RNASET2: variants seen among roughly 807,000 people sequenced by gnomAD.
The protein encoded by RNASET2 is ribonuclease 6.
A neutral mutation model predicts 33.9 loss-of-function variants in RNASET2; 28 were observed. The observed-to-expected ratio is 0.83, with a 90% CI of 0.61 to 1.13. The LOEUF (loss-of-function observed/expected upper bound fraction) is 1.13, where lower values mean the gene tolerates loss of function less well. Ranked by LOEUF, RNASET2 falls within the 50% of genes most tolerant of loss-of-function variation. The pLI is 0.00. For synonymous variants in RNASET2, 123 were observed against 121.0 expected, an observed-to-expected ratio of 1.02 and a Z score of -0.11; for missense variants, 330 against 319.9, an observed-to-expected ratio of 1.03 and a Z score of -0.24.
At position 166,929,766 on chromosome 6, in the gene RNASET2, T is replaced by A. The variant is rs926185419; in HGVS notation, c.593A>T (p.Gln198Leu). ...SQDEEVQTIG[Q>L]IELCLTKQDQ... Reference sequence around the variant, plus strand: ...TTGCTTAGTGAGGCACAGTTCTATCTGACCAATTGTCTGTACTTCCTCATC... The same window carrying A: ...TTGCTTAGTGAGGCACAGTTCTATCAGACCAATTGTCTGTACTTCCTCATC... The change falls in exon 9 of 9, where the codon CAG becomes CTG. Residue 198 changes from glutamine (Q) to leucine (L), a missense_variant. Transcript: ENST00000508775. 1.9e-6 allele frequency: 3 copies of A among 1,614,048 alleles called. No homozygotes were observed. Among genetic ancestry groups the A allele is most frequent in the Non-Finnish European group, 2.5e-6 (3 of 1,180,032 alleles).
At chr6:166,955,275 ACACACGACACACACGCACAGACGCG>A (rs1779105046) in intron 1 of RNASET2, among the ~76,000 whole-genome samples, 3 of 83,732 alleles carry the variant, frequency 3.6e-5, no homozygotes, top group South Asian at 5.4e-4. Context: ...ACACACGCGC[ACACACGACACACACGCACAGACGCG>A]CACACACGAC....
rs561157857 is a variant in RNASET2 at position 166,928,163 on chromosome 6, AG to A, written c.*1424del. On this transcript the variant is annotated 3_prime_UTR_variant, in exon 9 of 9. Transcript: ENST00000508775. ...GGCCTGGCTGGGTGCTGCCTGTCTC[AG>A]GCTCTTACTGCAGAGCTTGTTTCCA... 5.1e-3 allele frequency among the ~76,000 whole-genome samples: 777 copies of A among 152,326 alleles called. 5 individuals carry two copies. Among genetic ancestry groups the A allele is most frequent in the Non-Finnish European group, 6.9e-3 (466 of 68,028 alleles).
At chr6:166,929,858 A>G in intron 8 of RNASET2, 67 bp from the exon 9 acceptor site, 2 of 1,477,214 alleles carry the variant, frequency 1.4e-6, no homozygotes, top group East Asian at 2.3e-5. Context: ...TCTTAAGATC[A>G]TGAACTTTTA....
At position 166,922,303 on chromosome 6, in the gene RNASET2, G is replaced by A. The variant is rs1056490482; in HGVS notation, c.*7285C>T. Among the ~76,000 whole-genome samples the A allele has an allele frequency of 2.0e-5, 3 of 152,170 alleles. No homozygotes were observed. Among genetic ancestry groups the A allele is most frequent in the South Asian group, 4.1e-4 (2 of 4,826 alleles). On this transcript the variant is annotated 3_prime_UTR_variant, in exon 9 of 9. Transcript: ENST00000508775. Reference sequence around the variant, plus strand: ...GCGCGGTGATCTGAGTTATAGTAAAGCCTGTTTCGTTGGTGTTTGCCTGAT... The same window carrying A: ...GCGCGGTGATCTGAGTTATAGTAAAACCTGTTTCGTTGGTGTTTGCCTGAT...
rs1467222339 is a variant in RNASET2, at chr6:166,931,033, A to G, written c.567+11T>C. 7 of 1,594,104 alleles carry G rather than the reference A, an allele frequency of 4.4e-6. No individual in the cohort carries two copies. The highest frequency in any genetic ancestry group is 6.0e-6 in the Non-Finnish European group (7 of 1,161,880). ...TGAGAAAAAAAGGAAGACAAAACATAACTGTCTAACCTGGCTTGGTGGAAG... is the reference window on the plus strand; with the variant it reads ...TGAGAAAAAAAGGAAGACAAAACATGACTGTCTAACCTGGCTTGGTGGAAG... On this transcript the variant is annotated intron_variant, in intron 8 of 8. Coordinates refer to ENST00000508775, the MANE Select transcript of RNASET2 (RefSeq NM_003730.6).
intron 2 of RNASET2, among the ~76,000 whole-genome samples, chr6:166,950,258 T>C (rs1778951785): frequency 6.6e-6 from 1 of 152,008 alleles, no homozygotes; most frequent in African/African-American, 2.4e-5. Context: ...TCCCTCCCTA[T>C]CTCAGAATGC....
rs1014662097 is a variant in RNASET2 at position 166,955,150 on chromosome 6, T to C, written c.86+947A>G. On this transcript the variant is annotated intron_variant, in intron 1 of 8. Transcript: ENST00000508775. ...GGAGTTCTTTGCAGCACCGCCTGTTTACCCCTAATTAATTTGGGCGGCTGC... is the reference window on the plus strand; with the variant it reads ...GGAGTTCTTTGCAGCACCGCCTGTTCACCCCTAATTAATTTGGGCGGCTGC... Among the ~76,000 whole-genome samples, 9 of 151,668 alleles carry C rather than the reference T, an allele frequency of 5.9e-5. No homozygotes were observed. In the East Asian group the frequency reaches 1.4e-3, roughly 23 times the overall value.
intron 4 of RNASET2, chr6:166,943,306 C>G: frequency 2.2e-6 from 1 of 459,832 alleles, no homozygotes. Context: ...CACGAAAATA[C>G]AAGCTGTTAT....
At chr6:166,944,714 G>C (rs1354424101) in intron 4 of RNASET2, among the ~76,000 whole-genome samples, 1 of 150,076 alleles carries the variant, frequency 6.7e-6, no homozygotes, top group Non-Finnish European at 1.5e-5. Flanking sequence ...CAGCTTTCCT[G>C]TCCTGGACCC....
Position 166,926,573 on chromosome 6 carries a change from T to C in RNASET2, c.*3015A>G, listed in dbSNP as rs1778309658. Among the ~76,000 whole-genome samples the C allele has an allele frequency of 6.6e-6, 1 of 150,820 alleles. No homozygotes were observed. Among genetic ancestry groups the C allele is most frequent in the African/African-American group, 2.4e-5 (1 of 41,004 alleles). ...AGAAAAGAAAAGAAAAGATATCTAGTTCTGAATATGATACAATTGCTACTG... is the reference window on the plus strand; with the variant it reads ...AGAAAAGAAAAGAAAAGATATCTAGCTCTGAATATGATACAATTGCTACTG... On this transcript the variant is annotated 3_prime_UTR_variant, in exon 9 of 9. Coordinates refer to ENST00000508775, the MANE Select transcript of RNASET2 (RefSeq NM_003730.6).
chr6:166,939,300 T>C (rs1393416892), intron 5 of RNASET2, among the ~76,000 whole-genome samples: 1 of 152,162 alleles, frequency 6.6e-6, no homozygotes, highest in East Asian at 1.9e-4. Flanking sequence ...GCCATTGCAC[T>C]ATAGCCTGGG....
At chr6:166,955,221 GCGCACACA>G (rs144027681) in intron 1 of RNASET2, among the ~76,000 whole-genome samples, 9,227 of 93,566 alleles carry the variant, frequency 0.099, 639 homozygotes, top group African/African-American at 0.18. Context: ...ACGCACACAC[GCGCACACA>G]CGCACGCACG....
intron 4 of RNASET2, chr6:166,943,785 T>C (rs1163319441): frequency 2.3e-5 from 11 of 470,276 alleles, no homozygotes; most frequent in South Asian, 1.7e-4. Flanking sequence ...GGGAGTGAAC[T>C]GTCTGTAATC....
In RNASET2 at chr6:166,927,153, A is replaced by G. The variant is rs914066571; in HGVS notation, c.*2435T>C. On this transcript the variant is annotated 3_prime_UTR_variant, in exon 9 of 9. Coordinates refer to ENST00000508775, the MANE Select transcript of RNASET2 (RefSeq NM_003730.6). Reference sequence around the variant, plus strand: ...AAATGCACGACCTACTTGTTTAATGATGTAAAAACATGTGCTTGGATCTGA... The same window carrying G: ...AAATGCACGACCTACTTGTTTAATGGTGTAAAAACATGTGCTTGGATCTGA... Among the ~76,000 whole-genome samples, 1 of 152,176 alleles carries G rather than the reference A, an allele frequency of 6.6e-6. No homozygotes were observed. Among genetic ancestry groups the G allele is most frequent in the Non-Finnish European group, 1.5e-5 (1 of 68,038 alleles).
At position 166,929,648 on chromosome 6, in the gene RNASET2, AC is replaced by A; in HGVS notation, c.710del (p.Gly237ValfsTer2). On this transcript the variant is annotated frameshift_variant, in exon 9 of 9. Transcript: ENST00000508775. LOFTEE classifies it high-confidence loss of function. ...CTGGGCCATCTTCACAGACTCTCAG[AC>A]CCCGGCTCTCGGCGGCCCCATTTGC... ...WLANGAAESR[G>X]LRVCEDGPVF... The A allele has an allele frequency of 6.2e-7, 1 of 1,613,172 alleles. No homozygotes were observed. Among genetic ancestry groups the A allele is most frequent in the Non-Finnish European group, 8.5e-7 (1 of 1,179,734 alleles).
At chr6:166,931,549 G>C (rs1033845134) in intron 7 of RNASET2, 1 of 217,238 alleles carries the variant, frequency 4.6e-6, no homozygotes, top group South Asian at 7.2e-5. Context: ...CCCCACGGTG[G>C]ACACATTCTC....
intron 7 of RNASET2, chr6:166,931,537 C>T (rs993525235): frequency 1.2e-4 from 27 of 229,656 alleles, no homozygotes; most frequent in African/African-American, 6.2e-4. Flanking sequence ...TCCCGACCCC[C>T]TCCCCACGGT....
At chr6:166,955,900 G>C (rs919641868) in intron 1 of RNASET2, among the ~76,000 whole-genome samples, 197 bp downstream of exon 1, 1 of 150,810 alleles carries the variant, frequency 6.6e-6, no homozygotes, top group Non-Finnish European at 1.5e-5. Flanking sequence ...ACTCCCTCCA[G>C]GGGTCACCCC....
intron 4 of RNASET2, among the ~76,000 whole-genome samples, chr6:166,944,448 T>C (rs1246448350): frequency 1.7e-4 from 26 of 151,096 alleles, no homozygotes; most frequent in Non-Finnish European, 2.2e-4. Context: ...TGGGCGCAGC[T>C]CTGTCCCCCT....
Sources: allele counts gnomAD v4.1 joint callset (sites outside exome capture counted in the v4.1 genomes callset), GRCh38; gene constraint gnomAD v4.1.1; transcripts MANE v1.5; gene names NCBI Gene and HGNC (gene_info 2026-07-23, HGNC 2026-07-21).